COA1: variants seen among roughly 807,000 people sequenced by gnomAD.
COA1 encodes cytochrome c oxidase assembly factor 1 homolog.
Under a neutral mutation model 16.0 loss-of-function variants are expected in COA1, and 13 were observed. The observed-to-expected ratio is 0.81, with a 90% CI of 0.53 to 1.29. The LOEUF is 1.29. Ranked by LOEUF, COA1 falls within the 50% of genes most tolerant of loss-of-function variation. The pLI is 0.00. For synonymous variants in COA1, 65 were observed against 65.7 expected (o/e 0.99, Z 0.05); for missense variants, 179 against 177.0 (o/e 1.01, Z -0.06).
At chr7:43,644,809 G>GAGAA (rs2088686394) in intron 4 of COA1, among the ~76,000 whole-genome samples, 1 of 149,794 alleles carries the variant, frequency 6.7e-6, no homozygotes, top group Non-Finnish European at 1.5e-5. Context: ...CAGAGAGAGA[G>GAGAA]AGAGAGAGAG....
intron 1 of COA1, among the ~76,000 whole-genome samples, chr7:43,715,411 G>A (rs910844086): frequency 1.3e-5 from 2 of 151,460 alleles, no homozygotes; most frequent in Non-Finnish European, 2.9e-5. Context: ...CCGGGAGGCA[G>A]ACGTTGCAGT....
At chr7:43,644,797 G>C (rs1227261961) in intron 4 of COA1, among the ~76,000 whole-genome samples, 2 of 73,808 alleles carry the variant, frequency 2.7e-5, no homozygotes, top group African/African-American at 1.0e-4. Context: ...CAGGCAGAGA[G>C]ACAGAGAGAG....
chr7:43,645,810 C>CA (rs2089125844), intron 3 of COA1: 1 of 159,704 alleles, frequency 6.3e-6, no homozygotes, highest in Non-Finnish European at 1.4e-5. Flanking sequence ...ATGGCAAAGC[C>CA]GAGGCCAGAA....
At chr7:43,719,778 T>C (rs1294216363) in intron 1 of COA1, among the ~76,000 whole-genome samples, 1 of 152,156 alleles carries the variant, frequency 6.6e-6, no homozygotes, top group Non-Finnish European at 1.5e-5. Flanking sequence ...TATGTTTGCT[T>C]ACAAACAGGT....
Position 43,639,700 on chromosome 7 carries a change from A to G in COA1, c.342-19T>C, listed in dbSNP as rs1446462711. 5.0e-6 allele frequency: 8 copies of G among 1,584,522 alleles called. No individual in the cohort carries two copies. Among genetic ancestry groups the G allele is most frequent in the Non-Finnish European group, 6.9e-6 (8 of 1,153,406 alleles). On this transcript the variant is annotated intron_variant, in intron 5 of 5. Coordinates refer to ENST00000223336, the MANE Select transcript of COA1 (RefSeq NM_018224.4). Reference sequence around the variant, plus strand: ...GTGCCACCTGAGAGAAACCAAAAGTATAGTATCTCTAATCTATGAAGGCTG... The same window carrying G: ...GTGCCACCTGAGAGAAACCAAAAGTGTAGTATCTCTAATCTATGAAGGCTG...
rs76212768 is a variant in COA1, at chr7:43,664,484, T to A, written c.-38-15832A>T. Among the ~76,000 whole-genome samples, 1,347 of 152,308 alleles carry A rather than the reference T, an allele frequency of 8.8e-3. 17 individuals carry two copies. The highest frequency in any genetic ancestry group is 0.031 in the African/African-American group (1,292 of 41,562). ...ACATCACATAAAGAAATATAGAATA[T>A]AAATAACGTTTTATTTCCTGACCTG... On this transcript the variant is annotated intron_variant, in intron 1 of 5. Coordinates refer to ENST00000223336, the MANE Select transcript of COA1 (RefSeq NM_018224.4).
At chr7:43,624,508 A>G (rs1237562311) in intron 6 of COA1, 15 of 1,598,376 alleles carry the variant, frequency 9.4e-6, no homozygotes, top group Admixed American at 8.7e-5. Flanking sequence ...TAAAACATGT[A>G]TCTTTACAGA....
chr7:43,696,874 C>T lies in COA1; in HGVS notation c.-39+32555G>A, dbSNP rs1247168985. 1.6e-4 allele frequency among the ~76,000 whole-genome samples: 24 copies of T among 151,968 alleles called. 1 individual carries two copies. The highest frequency in any genetic ancestry group is 1.5e-5 in the Non-Finnish European group (1 of 67,958). ...GCACAGTGGCTCATACCTGTAATCCCAGCACTTTGGGAAGCCAAGGCAGGC... is the reference window on the plus strand; with the variant it reads ...GCACAGTGGCTCATACCTGTAATCCTAGCACTTTGGGAAGCCAAGGCAGGC... On this transcript the variant is annotated intron_variant, in intron 1 of 5. Transcript: ENST00000223336.
chr7:43,614,770 G>GT (rs1423157922), intron 6 of COA1, among the ~76,000 whole-genome samples: 2 of 152,192 alleles, frequency 1.3e-5, no homozygotes, highest in African/African-American at 4.8e-5. Flanking sequence ...ATAGATGCAT[G>GT]TAACAGGGCC....
In COA1 at chr7:43,702,174, T is replaced by G. The variant is rs558285500; in HGVS notation, c.-39+27255A>C. The stretch of plus-strand genomic sequence containing the variant: ...GCCTATGTCCAGAATGTTGGACCTA[T>G]GACAAAACCTACGACATAACTGTCC... On this transcript the variant is annotated intron_variant, in intron 1 of 5. Transcript: ENST00000223336. Among the ~76,000 whole-genome samples, 18 of 152,230 alleles carry G rather than the reference T, an allele frequency of 1.2e-4. No homozygotes were observed. In the South Asian group the frequency reaches 3.7e-3, roughly 32 times the overall value.
At chr7:43,703,213 A>C (rs2094822016) in intron 1 of COA1, among the ~76,000 whole-genome samples, 1 of 152,016 alleles carries the variant, frequency 6.6e-6, no homozygotes, top group South Asian at 2.1e-4. Flanking sequence ...GGTTAGCATG[A>C]TTTCGGTTTT....
intron 1 of COA1, among the ~76,000 whole-genome samples, chr7:43,672,534 G>A (rs1360291559): frequency 6.6e-6 from 1 of 152,218 alleles, no homozygotes; most frequent in African/African-American, 2.4e-5. Flanking sequence ...CACTTTGGGA[G>A]GCCAAGGCGG....
At chr7:43,691,421 A>AAAAGAAAGAAATAAAGAAAGAAAG in intron 1 of COA1, among the ~76,000 whole-genome samples, 1 of 87,460 alleles carries the variant, frequency 1.1e-5, no homozygotes, top group Non-Finnish European at 2.2e-5. Context: ...GGAAGAAAGA[A>AAAAGAAAGAAATAAAGAAAGAAAG]AAAGAAAGAA....
chr7:43,684,264 T>A (rs1165916776), intron 1 of COA1, among the ~76,000 whole-genome samples: 1 of 152,112 alleles, frequency 6.6e-6, no homozygotes, highest in Non-Finnish European at 1.5e-5. Context: ...CGCACTCCTA[T>A]AAGAATTCAA....
chr7:43,655,031 A>G (rs1584493321), intron 1 of COA1, among the ~76,000 whole-genome samples: 1 of 111,668 alleles, frequency 9.0e-6, no homozygotes, highest in Admixed American at 8.6e-5. Context: ...CAACTTATTG[A>G]AAAAAAATCC....
intron 1 of COA1, among the ~76,000 whole-genome samples, chr7:43,693,108 C>A (rs2094427810): frequency 6.6e-6 from 1 of 152,200 alleles, no homozygotes; most frequent in Admixed American, 6.5e-5. Flanking sequence ...TGGCTCTCCA[C>A]TGCAGCCTTA....
intron 1 of COA1, among the ~76,000 whole-genome samples, chr7:43,679,222 G>A (rs776544595): frequency 2.3e-5 from 3 of 132,776 alleles, no homozygotes; most frequent in African/African-American, 2.9e-5. Flanking sequence ...AGCCGGGATC[G>A]CAGCACTGTG....
At chr7:43,713,218 CTGGGGAT>C (rs2095304510) in intron 1 of COA1, among the ~76,000 whole-genome samples, 1 of 152,160 alleles carries the variant, frequency 6.6e-6, no homozygotes, top group Non-Finnish European at 1.5e-5. Context: ...TCCCAAAGTG[CTGGGGAT>C]ACAGGCATGA....
intron 1 of COA1, among the ~76,000 whole-genome samples, chr7:43,728,027 T>C (rs898065707): frequency 1.3e-5 from 2 of 150,616 alleles, no homozygotes; most frequent in Admixed American, 6.7e-5. Flanking sequence ...CAGGCTGGAG[T>C]GCAGTGGCGC....
Sources: allele counts gnomAD v4.1 joint callset (sites outside exome capture counted in the v4.1 genomes callset), GRCh38; gene constraint gnomAD v4.1.1; transcripts MANE v1.5; gene names NCBI Gene and HGNC (gene_info 2026-07-23, HGNC 2026-07-21).